The following KDM2B variants were observed in gnomAD, a reference collection of about 807,000 sequenced individuals.
The protein encoded by KDM2B is lysine-specific demethylase 2B.
KDM2B carries 26 observed loss-of-function variants against 150.0 expected under a neutral mutation model. The ratio of observed to expected loss-of-function variants is 0.17; its 90% CI spans 0.13 to 0.24. KDM2B has a LOEUF of 0.24. Among genes scored for constraint, KDM2B ranks in the 10% least tolerant of loss-of-function variants. The pLI is 1.00. For synonymous variants in KDM2B, 734 were observed against 729.5 expected (o/e 1.01, Z -0.10); for missense variants, 1,265 against 1,816.9 (o/e 0.70, Z 5.52).
chr12:121,439,020 G>A (rs140203438), intron 22 of KDM2B, among the ~76,000 whole-genome samples: 6 of 152,240 alleles, frequency 3.9e-5, no homozygotes, highest in Admixed American at 6.5e-5. Context: ...ACCAACTGCC[G>A]CCCCAACGGC....
intron 11 of KDM2B, among the ~76,000 whole-genome samples, 159 bp from the exon 12 acceptor site, chr12:121,494,824 C>T (rs1240877081): frequency 6.6e-6 from 1 of 152,140 alleles, no homozygotes; most frequent in Non-Finnish European, 1.5e-5. Flanking sequence ...AACCAAGTCA[C>T]TAGGGTCCCC....
At chr12:121,469,098 G>C (rs1436607111) in intron 12 of KDM2B, 1 of 151,600 alleles carries the variant, frequency 6.6e-6, no homozygotes, top group East Asian at 2.0e-4. Context: ...GTCTCACCAT[G>C]TTGGCCAGGC....
the KDM2B span, chr12:121,418,063 C>A: frequency 1.2e-6 from 1 of 825,112 alleles, no homozygotes; most frequent in Non-Finnish European, 1.9e-6. Flanking sequence ...CACTTAAAGG[C>A]TGTCCTGATG....
chr12:121,441,907 A>G (rs1875162139), intron 19 of KDM2B, among the ~76,000 whole-genome samples: 1 of 152,204 alleles, frequency 6.6e-6, no homozygotes, highest in African/African-American at 2.4e-5. Flanking sequence ...AACCTGGACT[A>G]ACTCTCCGAA....
chr12:121,532,491 C>A (rs1198032024), intron 8 of KDM2B, among the ~76,000 whole-genome samples: 1 of 152,252 alleles, frequency 6.6e-6, no homozygotes, highest in African/African-American at 2.4e-5. Flanking sequence ...CCAGACCCTG[C>A]CTCAGGGCAA....
intron 4 of KDM2B, among the ~76,000 whole-genome samples, chr12:121,553,701 G>A (rs1403090963): frequency 6.6e-6 from 1 of 152,146 alleles, no homozygotes; most frequent in Non-Finnish European, 1.5e-5. Flanking sequence ...TGGAGAAGGT[G>A]AGGAGCTGGG....
chr12:121,475,269 A>C (rs1258783959), intron 12 of KDM2B, among the ~76,000 whole-genome samples: 3 of 151,388 alleles, frequency 2.0e-5, no homozygotes, highest in Non-Finnish European at 4.4e-5. Flanking sequence ...TAATCTGGTC[A>C]AAAATGGACA....
intron 12 of KDM2B, among the ~76,000 whole-genome samples, chr12:121,486,066 C>T (rs1882719027): frequency 2.0e-5 from 3 of 148,024 alleles, no homozygotes; most frequent in Non-Finnish European, 4.5e-5. Context: ...CGTGAGCCAC[C>T]ATGCCCTGCC....
chr12:121,580,811 C>A lies in KDM2B; in HGVS notation c.101G>T (p.Cys34Phe), dbSNP rs1274000933. 3 of 1,613,580 alleles carry A rather than the reference C, an allele frequency of 1.9e-6. No homozygotes were observed. Among genetic ancestry groups the A allele is most frequent in the Non-Finnish European group, 2.5e-6 (3 of 1,179,852 alleles). Reference protein sequence around the residue: ...QKKKTVIYTKCFEFESATQRP... With the variant: ...QKKKTVIYTKFFEFESATQRP... ...CTGTGTGGCCGACTCAAATTCAAAG[C>A]ATTTTGTATATATAACTGTTTTCTT... Residue 34 changes from cysteine to phenylalanine, a missense_variant, in exon 1 of 23, where the codon TGC (cysteine) becomes TTC (phenylalanine). This residue lies in a region of KDM2B where 53 missense variants were observed against 56.0 expected (regional missense o/e 0.95). Coordinates refer to ENST00000377071, the MANE Select transcript of KDM2B (RefSeq NM_032590.5).
chr12:121,563,137 G>T (rs564993886), intron 4 of KDM2B, among the ~76,000 whole-genome samples: 1 of 152,120 alleles, frequency 6.6e-6, no homozygotes, highest in Admixed American at 6.6e-5. Context: ...GGGCAACATA[G>T]CGAGACTCAT....
At chr12:121,525,940 C>T (rs1340909664) in intron 8 of KDM2B, among the ~76,000 whole-genome samples, 1 of 152,160 alleles carries the variant, frequency 6.6e-6, no homozygotes, top group Non-Finnish European at 1.5e-5. Flanking sequence ...CCATACTGGC[C>T]TCTGCCACCC....
intron 12 of KDM2B, among the ~76,000 whole-genome samples, chr12:121,462,138 T>C (rs1879197139): frequency 6.6e-6 from 1 of 152,260 alleles, no homozygotes; most frequent in Non-Finnish European, 1.5e-5. Context: ...GATTTCTTTG[T>C]GCATGCTAAT....
chr12:121,568,685 G>A (rs569127102), intron 4 of KDM2B, among the ~76,000 whole-genome samples: 18 of 152,214 alleles, frequency 1.2e-4, no homozygotes, highest in African/African-American at 3.4e-4. Context: ...AGTGGAGGGC[G>A]GAGACTACAT....
At chr12:121,526,445 T>A (rs1327632929) in intron 8 of KDM2B, among the ~76,000 whole-genome samples, 6 of 152,180 alleles carry the variant, frequency 3.9e-5, no homozygotes, top group African/African-American at 1.4e-4. Context: ...GTCTCCTGAC[T>A]CCCAAGCTAC....
rs1442188654 is a variant in KDM2B at position 121,518,173 on chromosome 12, G to A, written c.1047+2812C>T. Among the ~76,000 whole-genome samples, 4 of 152,178 alleles carry A rather than the reference G, an allele frequency of 2.6e-5. No homozygotes were observed. Among genetic ancestry groups the A allele is most frequent in the African/African-American group, 9.7e-5 (4 of 41,444 alleles). On this transcript the variant is annotated intron_variant, in intron 9 of 22. Coordinates refer to ENST00000377071, the MANE Select transcript of KDM2B (RefSeq NM_032590.5). This position sits in a 1 kb window ranked among gnomAD's most constrained non-coding sequence, Gnocchi z 4.4. Reference sequence around the variant, plus strand: ...CTCCCAAAGTGCTGGGATTACAGGCGTGAGTCACCATGCCCAGCCTATAAA... The same window carrying A: ...CTCCCAAAGTGCTGGGATTACAGGCATGAGTCACCATGCCCAGCCTATAAA...
At chr12:121,463,926 A>G (rs904890756) in intron 12 of KDM2B, among the ~76,000 whole-genome samples, 4 of 151,930 alleles carry the variant, frequency 2.6e-5, no homozygotes, top group Non-Finnish European at 4.4e-5. Context: ...TTTCACATCA[A>G]GAGAAAAAAA....
At chr12:121,515,371 A>C (rs549027790) in intron 9 of KDM2B, among the ~76,000 whole-genome samples, 1 of 394 alleles carries the variant, frequency 2.5e-3, no homozygotes, top group Non-Finnish European at 5.0e-3. Context: ...CACACTCCCC[A>C]CCCCCTCTAA....
At chr12:121,444,665 C>T in intron 14 of KDM2B, 129 bp from the exon 15 acceptor site, 2 of 764,992 alleles carry the variant, frequency 2.6e-6, no homozygotes, top group Non-Finnish European at 4.5e-6. Flanking sequence ...ATCCCGTTTC[C>T]AGGCAAAAGA....
the KDM2B span, chr12:121,420,828 T>A: frequency 7.1e-7 from 1 of 1,411,206 alleles, no homozygotes; most frequent in Non-Finnish European, 1.0e-6. Context: ...CTTAGGCTTT[T>A]AAAAACTGGG....
Sources: gnomAD v4.1 joint callset for allele counts (sites outside exome capture counted in the v4.1 genomes callset) on GRCh38, gnomAD v4.1.1 for gene constraint, gnomAD v4.1.1 regional missense constraint, Gnocchi (gnomAD v3.1) non-coding constraint, MANE v1.5 for transcripts, NCBI Gene and HGNC (gene_info 2026-07-23, HGNC 2026-07-21) for gene names.